PLAA: variants seen among roughly 807,000 people sequenced by gnomAD.
PLAA encodes phospholipase A2 activating protein.
In PLAA, 48 loss-of-function variants were observed where a neutral mutation model predicts 84.1. The ratio of observed to expected loss-of-function variants is 0.57; its 90% confidence interval spans 0.45 to 0.73. PLAA has a LOEUF of 0.73. Ranked by LOEUF, PLAA falls within the 30% of genes least tolerant of loss-of-function variation. The pLI is 0.00. For missense variants in PLAA, 903 were observed against 954.7 expected (o/e 0.95, Z 0.71); for synonymous variants, 392 against 336.6 (o/e 1.16, Z -1.80).
chr9:26,918,423 T>C (rs1405121540), intron 9 of PLAA, among the ~76,000 whole-genome samples: 3 of 151,898 alleles, frequency 2.0e-5, no homozygotes, highest in Non-Finnish European at 2.9e-5. Flanking sequence ...CCACCACACC[T>C]GGCCTGATAA....
chr9:26,926,890 T>A (rs979887793), intron 4 of PLAA, among the ~76,000 whole-genome samples: 2 of 151,656 alleles, frequency 1.3e-5, no homozygotes, highest in Admixed American at 6.6e-5. Context: ...TTATAAAATA[T>A]ATAATATTCA....
At chr9:26,918,062 G>A (rs1459144135) in intron 9 of PLAA, among the ~76,000 whole-genome samples, 2 of 152,076 alleles carry the variant, frequency 1.3e-5, no homozygotes, top group African/African-American at 2.4e-5. Context: ...GTATTTGGAG[G>A]ATCAGATCAT....
In PLAA at chr9:26,920,211, G is replaced by T; in HGVS notation, c.1197+16C>A. 6.2e-7 allele frequency: 1 copy of T among 1,605,004 alleles called. No homozygotes were observed. Among genetic ancestry groups the T allele is most frequent in the Non-Finnish European group, 8.5e-7 (1 of 1,172,382 alleles). ...TATTTAAGACAATAGTAATTAGAAA[G>T]TAGAAGTCGACATACTTTCCCTTCA... On this transcript the variant is annotated intron_variant, in intron 8 of 13. Transcript: ENST00000397292.
At chr9:26,918,631 T>C (rs755984696) in intron 9 of PLAA, among the ~76,000 whole-genome samples, 1 of 152,008 alleles carries the variant, frequency 6.6e-6, no homozygotes, top group Non-Finnish European at 1.5e-5. Flanking sequence ...ACCTGAAAAA[T>C]GTTGAGTCAG....
chr9:26,942,813 G>A (rs1233961283), intron 1 of PLAA, among the ~76,000 whole-genome samples: 4 of 150,290 alleles, frequency 2.7e-5, no homozygotes, highest in African/African-American at 4.9e-5. Flanking sequence ...CGGGAGGCGG[G>A]GCTTGCAGTG....
chr9:26,907,563 A>G (rs1389389433), intron 13 of PLAA: 11 of 348,698 alleles, frequency 3.2e-5, no homozygotes, highest in Non-Finnish European at 5.6e-5. Flanking sequence ...AAACAAAACA[A>G]AAAAACAAAG....
At chr9:26,925,713 C>T (rs1172002859) in intron 6 of PLAA, 112 bp downstream of exon 6, 10 of 822,520 alleles carry the variant, frequency 1.2e-5, no homozygotes, top group Admixed American at 4.6e-5. Context: ...TTGAAGTGTC[C>T]ATATAGTCTC....
intron 1 of PLAA, 100 bp downstream of exon 1, chr9:26,946,797 G>A: frequency 7.6e-7 from 1 of 1,322,430 alleles, no homozygotes; most frequent in Non-Finnish European, 1.0e-6. Flanking sequence ...GAAGGCTGGG[G>A]GGAGAGAGAG....
chr9:26,928,559 A>G (rs1825057069), intron 2 of PLAA, 151 bp from the exon 3 acceptor site: 2 of 661,622 alleles, frequency 3.0e-6, no homozygotes, highest in Admixed American at 4.5e-5. Flanking sequence ...GCATAAGAGT[A>G]CAGTGGTCAA....
intron 1 of PLAA, among the ~76,000 whole-genome samples, chr9:26,937,152 A>C (rs1392977831): frequency 6.6e-6 from 1 of 151,956 alleles, no homozygotes; most frequent in African/African-American, 2.4e-5. Context: ...CAAAAAAAGA[A>C]AAAAAAAGGC....
chr9:26,923,184 C>G lies in PLAA; in HGVS notation c.1033G>C (p.Glu345Gln), dbSNP rs910415657. ...EQLPGREHLN[E>Q]PGTREGQTRL... ...GGTACAATAAAATACTTACCAGGTT[C>G]ATTAAGATGTTCCCTCCCAGGAAGC... Residue 345 changes from glutamate to glutamine, a missense_variant, in exon 7 of 14, where the codon GAA (glutamate) becomes CAA (glutamine). Physicochemically the swap from Glu to Gln is conservative, Grantham distance 29. Transcript: ENST00000397292. The G allele has an allele frequency of 2.5e-6, 4 of 1,589,030 alleles. No homozygotes were observed. In the African/African-American group the frequency reaches 5.4e-5, roughly 21 times the overall value.
At chr9:26,906,388 A>C (rs979353390) in intron 13 of PLAA, among the ~76,000 whole-genome samples, 6 of 150,996 alleles carry the variant, frequency 4.0e-5, no homozygotes, top group African/African-American at 1.5e-4. Context: ...CTTTTAAAAA[A>C]TTCTGTAAGA....
At chr9:26,928,258 A>G (rs1421251226) in intron 3 of PLAA, 38 bp from the exon 4 acceptor site, 1 of 1,614,030 alleles carries the variant, frequency 6.2e-7, no homozygotes, top group South Asian at 1.1e-5. Context: ...GTTGCCACAG[A>G]ATCATTCAAC....
chr9:26,905,343 C>A lies in PLAA; in HGVS notation c.*168G>T. On this transcript the variant is annotated 3_prime_UTR_variant, in exon 14 of 14. Coordinates refer to ENST00000397292, the MANE Select transcript of PLAA (RefSeq NM_001031689.3). ...AATTACACAGGAAAATCTCACAGTT[C>A]AGCAGTGCAAAAATTTTATTTCTGT... The A allele has an allele frequency of 1.7e-6, 1 of 598,842 alleles. No individual in the cohort carries two copies. 37.1% of individuals were successfully genotyped at this position (598,842 alleles called of 1,614,324 possible). A position where few individuals can be genotyped will look rare whatever the true frequency, so the allele number is the denominator to read the frequency against.
At chr9:26,945,528 A>T (rs1004787075) in intron 1 of PLAA, among the ~76,000 whole-genome samples, 1 of 152,194 alleles carries the variant, frequency 6.6e-6, no homozygotes, top group African/African-American at 2.4e-5. Flanking sequence ...AGCCTAGTGG[A>T]CCATCTTGTG....
chr9:26,930,129 G>C (rs1825132362), intron 2 of PLAA, among the ~76,000 whole-genome samples: 1 of 147,356 alleles, frequency 6.8e-6, no homozygotes, highest in South Asian at 2.1e-4. Context: ...TTTTGAGACA[G>C]AGTCTCGCTC....
At chr9:26,910,501 A>G (rs1375545706) in intron 11 of PLAA, 62 bp from the exon 12 acceptor site, 16 of 1,259,840 alleles carry the variant, frequency 1.3e-5, no homozygotes, top group Non-Finnish European at 1.8e-5. Context: ...GATTTTTCTA[A>G]CTATATGACT....
chr9:26,925,827 C>T lies in PLAA; in HGVS notation c.867G>A (p.Ala289=), dbSNP rs1352823433. 11 of 1,613,678 alleles carry T rather than the reference C, an allele frequency of 6.8e-6. No individual in the cohort carries two copies. Among genetic ancestry groups the T allele is most frequent in the Admixed American group, 5.0e-5 (3 of 59,978 alleles). The stretch of plus-strand genomic sequence containing the variant: ...ATGATTGACTAGAATATAAATACCT[C>T]GCACCAACCACAATGTCACCATTGT... ...VLDNGDIVVG[A]SDGIIRVFTE... Residue 289 remains alanine (A), a splice_region_variant and synonymous_variant, in exon 6 of 14, where the codon GCG becomes GCA. Transcript: ENST00000397292.
chr9:26,935,291 T>G (rs1299578059), intron 1 of PLAA, 85 bp from the exon 2 acceptor site: 1 of 815,008 alleles, frequency 1.2e-6, no homozygotes, highest in African/African-American at 1.8e-5. Flanking sequence ...CATTTTCATT[T>G]AGTGTCTAGA....
Sources: allele counts gnomAD v4.1 joint callset (sites outside exome capture counted in the v4.1 genomes callset), GRCh38; gene constraint gnomAD v4.1.1; transcripts MANE v1.5; gene names NCBI Gene and HGNC (gene_info 2026-07-23, HGNC 2026-07-21).